Variants in TCF7L1 observed in about 807,000 individuals in gnomAD.
The protein encoded by TCF7L1 is transcription factor 7 like 1.
In TCF7L1, 18 loss-of-function variants were observed where a neutral mutation model predicts 63.7. The observed-to-expected ratio is 0.28, with a 90% CI of 0.20 to 0.42. The LOEUF is 0.42. Among genes scored for constraint, TCF7L1 ranks in the 10% least tolerant of loss-of-function variants. The pLI, the probability that TCF7L1 is intolerant of heterozygous loss-of-function variation, is 1.00. For missense variants in TCF7L1, 654 were observed against 779.3 expected, an observed-to-expected ratio of 0.84 and a Z score of 1.91; for synonymous variants, 355 against 340.9, an observed-to-expected ratio of 1.04 and a Z score of -0.46.
intron 3 of TCF7L1, among the ~76,000 whole-genome samples, chr2:85,185,495 A>G (rs1485912441): frequency 2.0e-5 from 3 of 152,142 alleles, no homozygotes; most frequent in African/African-American, 7.2e-5. Flanking sequence ...CTGGGGTCAC[A>G]CAGGTAGAGC....
At chr2:85,290,746 T>G (rs556534415) in intron 4 of TCF7L1, among the ~76,000 whole-genome samples, 2 of 152,238 alleles carry the variant, frequency 1.3e-5, no homozygotes, top group Admixed American at 1.3e-4. Context: ...GGGAGAAAGA[T>G]TTAAGAGGGT....
chr2:85,199,546 C>G (rs967255378), intron 3 of TCF7L1, among the ~76,000 whole-genome samples: 3 of 152,058 alleles, frequency 2.0e-5, no homozygotes, highest in Admixed American at 1.3e-4. Flanking sequence ...AACACCAGTC[C>G]CCAAACTCCA....
At chr2:85,153,685 A>G (rs776042497) in intron 3 of TCF7L1, among the ~76,000 whole-genome samples, 2 of 152,202 alleles carry the variant, frequency 1.3e-5, no homozygotes, top group Non-Finnish European at 2.9e-5. Context: ...TTCCTAGGAC[A>G]CTAACTTATG....
At chr2:85,236,173 C>G (rs75551834) in intron 3 of TCF7L1, among the ~76,000 whole-genome samples, 3 of 142,416 alleles carry the variant, frequency 2.1e-5, no homozygotes, top group Non-Finnish European at 3.2e-5. Context: ...ATCCCCCCCC[C>G]AAAAAAAACC....
At chr2:85,282,843 T>TGTGTGTGTGTGTGTGTG (rs61230836) in intron 3 of TCF7L1, among the ~76,000 whole-genome samples, 1 of 126,268 alleles carries the variant, frequency 7.9e-6, no homozygotes, top group African/African-American at 2.9e-5. Flanking sequence ...TGTGTGTGTG[T>TGTGTGTGTGTGTGTGTG]TGGGGAAGTA....
intron 3 of TCF7L1, among the ~76,000 whole-genome samples, chr2:85,180,632 C>A (rs1218203048): frequency 6.6e-6 from 1 of 152,170 alleles, no homozygotes; most frequent in Non-Finnish European, 1.5e-5. Flanking sequence ...TCACGTTCTT[C>A]AGAGGCTAGT....
Position 85,283,446 on chromosome 2 carries a change from G to A in TCF7L1, c.442-49G>A, listed in dbSNP as rs756226262. The A allele has an allele frequency of 1.9e-5, 31 of 1,606,746 alleles. No individual in the cohort carries two copies. The South Asian group carries it at 3.2e-4, about 17-fold the overall frequency. On this transcript the variant is annotated intron_variant, in intron 3 of 11. Transcript: ENST00000282111. ...AGAGCCCAGCAAACTTTGAGTACTT[G>A]TGAGGCCTCATCTCACCAACAGCTT...
intron 3 of TCF7L1, among the ~76,000 whole-genome samples, chr2:85,205,537 GTT>G (rs35034885): frequency 1.8e-5 from 1 of 54,574 alleles, no homozygotes; most frequent in Admixed American, 1.8e-4. Context: ...AGCCCACATT[GTT>G]TTTTTTTTTT....
Position 85,309,011 on chromosome 2 carries a change from C to T in TCF7L1, c.1334-18C>T, listed in dbSNP as rs537478412. 28 of 1,569,840 alleles carry T rather than the reference C, an allele frequency of 1.8e-5. No individual in the cohort carries two copies. In the East Asian group the frequency reaches 5.8e-4, roughly 33 times the overall value. On this transcript the variant is annotated intron_variant, in intron 11 of 11. Coordinates refer to ENST00000282111, the MANE Select transcript of TCF7L1 (RefSeq NM_031283.3). The stretch of plus-strand genomic sequence containing the variant: ...ACAGAGCTATAGCTGCTCACTCTTT[C>T]TTGTATTTTCCCCCTAGGTGCCCTG...
intron 3 of TCF7L1, among the ~76,000 whole-genome samples, chr2:85,153,271 G>A (rs1191852807): frequency 1.3e-5 from 2 of 151,630 alleles, no homozygotes; most frequent in Non-Finnish European, 2.9e-5. Flanking sequence ...CACAGCAAGG[G>A]TTTTGTTAAG....
At position 85,196,261 on chromosome 2, in the gene TCF7L1, T is replaced by C. The variant is rs556300141; in HGVS notation, c.441+61811T>C. Among the ~76,000 whole-genome samples the C allele has an allele frequency of 3.9e-5, 6 of 152,316 alleles. No homozygotes were observed. The South Asian group carries it at 1.2e-3, about 32-fold the overall frequency. ...GAGCCTTTTGTGCCCACATAAACGA[T>C]GTCATTCTTCTTCTCTTAAAGACAA... On this transcript the variant is annotated intron_variant, in intron 3 of 11. Transcript: ENST00000282111.
intron 3 of TCF7L1, among the ~76,000 whole-genome samples, chr2:85,210,706 C>A (rs1286758949): frequency 1.3e-5 from 2 of 152,150 alleles, no homozygotes; most frequent in Non-Finnish European, 2.9e-5. Context: ...AAGGGAATAG[C>A]GACTTAGTGT....
At chr2:85,230,909 T>A (rs1175698307) in intron 3 of TCF7L1, among the ~76,000 whole-genome samples, 1 of 152,200 alleles carries the variant, frequency 6.6e-6, no homozygotes, top group Non-Finnish European at 1.5e-5. Flanking sequence ...GCTGTTAGTT[T>A]TCCATAAAGG....
chr2:85,304,360 G>GTCCGCATGTTT (rs1308857245), intron 7 of TCF7L1, 22 bp downstream of exon 7: 2 of 1,609,380 alleles, frequency 1.2e-6, no homozygotes. Flanking sequence ...GGCTGGGGCT[G>GTCCGCATGTTT]TCCGCATGTT....
At chr2:85,299,683 A>G (rs9753285) in intron 4 of TCF7L1, among the ~76,000 whole-genome samples, 17,018 of 151,832 alleles carry the variant, frequency 0.11, 1,148 homozygotes, top group South Asian at 0.2. Flanking sequence ...CCTGGGCAAC[A>G]TGGTGAAACC....
chr2:85,134,545 T>G lies in TCF7L1; in HGVS notation c.441+95T>G. 1 of 1,458,392 alleles carries G rather than the reference T, an allele frequency of 6.9e-7. No individual in the cohort carries two copies. Among genetic ancestry groups the G allele is most frequent in the Non-Finnish European group, 9.1e-7 (1 of 1,098,778 alleles). 90.3% of individuals were successfully genotyped at this position (1,458,392 alleles called of 1,614,324 possible). A position where few individuals can be genotyped will look rare whatever the true frequency, so the allele number is the denominator to read the frequency against. On this transcript the variant is annotated intron_variant, in intron 3 of 11. Transcript: ENST00000282111. This position sits in a 1 kb window ranked among gnomAD's most constrained non-coding sequence, Gnocchi z 5.0. ...CCATGGAGTGGGGGATGGGGCCTTC[T>G]GCGCCGATCCCAAGCAGAACTTGTT...
intron 3 of TCF7L1, among the ~76,000 whole-genome samples, chr2:85,238,031 C>T (rs1321108542): frequency 1.3e-5 from 2 of 152,124 alleles, no homozygotes; most frequent in East Asian, 3.9e-4. Flanking sequence ...CCGCCAGGGT[C>T]AGTGGGAGGA....
At chr2:85,295,131 G>A (rs1256780426) in intron 4 of TCF7L1, among the ~76,000 whole-genome samples, 1 of 152,114 alleles carries the variant, frequency 6.6e-6, no homozygotes, top group African/African-American at 2.4e-5. Context: ...AGCATATCCT[G>A]TTGGTGCTCT....
intron 10 of TCF7L1, 80 bp from the exon 11 acceptor site, chr2:85,307,562 C>A: frequency 8.0e-7 from 1 of 1,247,754 alleles, no homozygotes; most frequent in Non-Finnish European, 1.2e-6. Flanking sequence ...AACGTCCTGT[C>A]TTCTCTCTGA....
Sources: gnomAD v4.1 joint callset for allele counts (sites outside exome capture counted in the v4.1 genomes callset) on GRCh38, gnomAD v4.1.1 for gene constraint, Gnocchi (gnomAD v3.1) non-coding constraint, MANE v1.5 for transcripts, NCBI Gene and HGNC (gene_info 2026-07-23, HGNC 2026-07-21) for gene names.